Variants in KCNA6 observed in about 807,000 individuals in gnomAD.
The protein encoded by KCNA6 is potassium voltage-gated channel subfamily A member 6.
A neutral mutation model predicts 29.5 loss-of-function variants in KCNA6; 17 were observed. That is an observed-to-expected ratio of 0.58 (90% CI 0.39 to 0.86). The LOEUF (loss-of-function observed/expected upper bound fraction) is 0.86, where lower values mean the gene tolerates loss of function less well. Among genes scored for constraint, KCNA6 ranks in the 40% least tolerant of loss-of-function variants. The probability of loss-of-function intolerance (pLI) is 0.00; values close to 1 mark genes in which losing one functional copy is unlikely to be tolerated. For missense variants in KCNA6, 450 were observed against 703.4 expected, an observed-to-expected ratio of 0.64 and a Z score of 4.07; for synonymous variants, 296 against 304.7, an observed-to-expected ratio of 0.97 and a Z score of 0.30.
chr12:4,822,576 T>G, the KCNA6 span, among the ~76,000 whole-genome samples: 65 of 152,202 alleles, frequency 4.3e-4, no homozygotes, highest in African/African-American at 1.4e-3. Flanking sequence ...GGCAGGGGAA[T>G]GTGTGATGTA....
chr12:4,819,581 C>T, the KCNA6 span, among the ~76,000 whole-genome samples: 1 of 152,236 alleles, frequency 6.6e-6, no homozygotes, highest in Non-Finnish European at 1.5e-5. Flanking sequence ...TGGGTCTCCC[C>T]TGGCCTTCAC....
At chr12:4,809,474 G>C (rs937639588) in exon 1 of KCNA6, 1 of 152,050 alleles carries the variant, frequency 6.6e-6, no homozygotes, top group Non-Finnish European at 1.5e-5. Flanking sequence ...GGAGGAGGTG[G>C]CGGCTGTGGC....
At chr12:4,850,838 A>G in the KCNA6 span, 1 of 453,916 alleles carries the variant, frequency 2.2e-6, no homozygotes, top group South Asian at 1.6e-5. This position sits in a 1 kb window ranked among gnomAD's most constrained non-coding sequence, Gnocchi z 5.4. Flanking sequence ...CCTGCCTGGC[A>G]CCGCTGGCAG....
chr12:4,833,932 T>A, the KCNA6 span, among the ~76,000 whole-genome samples: 1,521 of 8,896 alleles, frequency 0.17, 28 homozygotes, highest in African/African-American at 0.3. Flanking sequence ...TTAAATTAAA[T>A]TTTTTTTTTT....
At chr12:4,843,759 A>C in the KCNA6 span, among the ~76,000 whole-genome samples, 1 of 152,100 alleles carries the variant, frequency 6.6e-6, no homozygotes, top group Admixed American at 6.5e-5. Context: ...CGAGGTGGGC[A>C]GTGCCACATA....
the KCNA6 span, among the ~76,000 whole-genome samples, chr12:4,849,350 C>T: frequency 6.6e-6 from 1 of 151,984 alleles, no homozygotes; most frequent in Non-Finnish European, 1.5e-5. Flanking sequence ...ACAGTCTTTT[C>T]CTGAATCACA....
chr12:4,810,857 C>T lies in KCNA6; in HGVS notation c.816C>T (p.Val272=), dbSNP rs756580190. The change falls in exon 1 of 1, where the codon GTC becomes GTT. Residue 272 remains valine, a synonymous_variant. Transcript: ENST00000280684. This position sits in a 1 kb window ranked among gnomAD's most constrained non-coding sequence, Gnocchi z 7.5. Reference sequence around the variant, plus strand: ...TTCTGGTGGAGACGCTGTGCATTGTCTGGTTCACTTTTGAGCTCCTGGTGC... The same window carrying T: ...TTCTGGTGGAGACGCTGTGCATTGTTTGGTTCACTTTTGAGCTCCTGGTGC... The T allele has an allele frequency of 6.2e-7, 1 of 1,610,204 alleles. No homozygotes were observed. Among genetic ancestry groups the T allele is most frequent in the Non-Finnish European group, 8.5e-7 (1 of 1,178,052 alleles).
At chr12:4,819,046 GCA>G in the KCNA6 span, among the ~76,000 whole-genome samples, 1 of 152,018 alleles carries the variant, frequency 6.6e-6, no homozygotes, top group African/African-American at 2.4e-5. Context: ...ACACGTATAT[GCA>G]CACACAAACA....
chr12:4,810,572 C>T lies in KCNA6; in HGVS notation c.531C>T (p.Ala177=). The T allele has an allele frequency of 6.2e-7, 1 of 1,614,162 alleles. No homozygotes were observed. The highest frequency in any genetic ancestry group is 8.5e-7 in the Non-Finnish European group (1 of 1,180,030). The change falls in exon 1 of 1, where the codon GCC becomes GCT. Residue 177 remains alanine (A), a synonymous_variant. Transcript: ENST00000280684. The surrounding 1 kb of genome is among the most constrained non-coding windows in gnomAD (Gnocchi z 7.5). ...GCTCTGGGCCGGCCAGGGGCATCGC[C>T]ATCGTCTCCGTGTTGGTCATTCTCA...
chr12:4,841,458 C>A, the KCNA6 span, among the ~76,000 whole-genome samples: 1 of 151,950 alleles, frequency 6.6e-6, no homozygotes, highest in Admixed American at 6.6e-5. Flanking sequence ...AGACTTGAGG[C>A]AAGATGAAAA....
chr12:4,828,810 C>T, the KCNA6 span, among the ~76,000 whole-genome samples: 4 of 152,248 alleles, frequency 2.6e-5, no homozygotes, highest in East Asian at 7.7e-4. Flanking sequence ...TAGTGTTGCC[C>T]CTGTGGGATG....
chr12:4,829,778 A>AAT, the KCNA6 span, among the ~76,000 whole-genome samples: 1 of 152,162 alleles, frequency 6.6e-6, no homozygotes, highest in East Asian at 1.9e-4. Context: ...TTCTGCTGAT[A>AAT]ATATCGCACC....
chr12:4,837,907 T>A, the KCNA6 span, among the ~76,000 whole-genome samples: 2 of 151,784 alleles, frequency 1.3e-5, no homozygotes, highest in Non-Finnish European at 2.9e-5. Context: ...ACTGCCTGAG[T>A]GTGGGCTCTG....
chr12:4,838,835 C>A, the KCNA6 span: 1 of 152,192 alleles, frequency 6.6e-6, no homozygotes, highest in Non-Finnish European at 1.5e-5. Flanking sequence ...GTGTCTCTCC[C>A]CTTTTTATGA....
At chr12:4,839,738 T>C in the KCNA6 span, among the ~76,000 whole-genome samples, 4,006 of 152,304 alleles carry the variant, frequency 0.026, 153 homozygotes, top group African/African-American at 0.091. Context: ...ACTGGAAGTA[T>C]GTTAATAATA....
At chr12:4,838,539 A>G in the KCNA6 span, among the ~76,000 whole-genome samples, 1 of 152,236 alleles carries the variant, frequency 6.6e-6, no homozygotes, top group Non-Finnish European at 1.5e-5. Context: ...CAGTTTACTC[A>G]GTCGCCTCTG....
chr12:4,843,185 C>CTTT, the KCNA6 span, among the ~76,000 whole-genome samples: 7 of 146,934 alleles, frequency 4.8e-5, no homozygotes, highest in South Asian at 4.3e-4. Context: ...AAATTCTTTA[C>CTTT]TTTTTTTTTT....
In KCNA6 at chr12:4,811,501, C is replaced by T. The variant is rs1002501717; in HGVS notation, c.1460C>T (p.Pro487Leu). 3 of 1,614,188 alleles carry T rather than the reference C, an allele frequency of 1.9e-6. No individual in the cohort carries two copies. The highest frequency in any genetic ancestry group is 1.1e-5 in the South Asian group (1 of 91,078). ...CACGTCACTTGTGGGCAGCCTGCGCCGGACCTGAGGGCAACTGACAACGGA... is the reference window on the plus strand; with the variant it reads ...CACGTCACTTGTGGGCAGCCTGCGCTGGACCTGAGGGCAACTGACAACGGA... Residue 487 changes from proline (P) to leucine (L), a missense_variant, in exon 1 of 1, where the codon CCG (proline) becomes CTG (leucine). By Grantham distance (98) the Pro-to-Leu change is moderately conservative. Around this residue, in one of 7 missense-constraint regions of KCNA6, gnomAD observed 56 missense variants for 65.2 expected, o/e 0.86. Coordinates refer to ENST00000280684, the Ensembl canonical transcript of KCNA6. This position sits in a 1 kb window ranked among gnomAD's most constrained non-coding sequence, Gnocchi z 7.1.
the KCNA6 span, among the ~76,000 whole-genome samples, chr12:4,826,711 T>C: frequency 6.6e-6 from 1 of 152,250 alleles, no homozygotes. Flanking sequence ...CCAAGTGTAT[T>C]AATCAGATGT....
Sources: gnomAD v4.1 joint callset for allele counts (sites outside exome capture counted in the v4.1 genomes callset) on GRCh38, gnomAD v4.1.1 for gene constraint, gnomAD v4.1.1 regional missense constraint, Gnocchi (gnomAD v3.1) non-coding constraint, MANE v1.5 for transcripts, NCBI Gene and HGNC (gene_info 2026-07-23, HGNC 2026-07-21) for gene names.